Variants in WWC2 observed in about 807,000 individuals in gnomAD.
WWC2 encodes WW and C2 domain containing 2.
A neutral mutation model predicts 138.5 loss-of-function variants in WWC2; 101 were observed. The ratio of observed to expected loss-of-function variants is 0.73; its 90% CI spans 0.62 to 0.86. The LOEUF is 0.86. WWC2 is among the 40% of genes least tolerant of loss of function. WWC2 has a pLI of 0.00. For synonymous variants in WWC2, 558 were observed against 538.4 expected (o/e 1.04, Z -0.50); for missense variants, 1,420 against 1,419.4 (o/e 1.00, Z -0.01).
chr4:183,297,752 A>T (rs571065794), intron 21 of WWC2, among the ~76,000 whole-genome samples: 23 of 152,340 alleles, frequency 1.5e-4, no homozygotes, highest in African/African-American at 5.3e-4. Context: ...AAGAGGGTGC[A>T]GCCCAGGGGA....
At chr4:183,145,111 A>G (rs72697304) in intron 1 of WWC2, among the ~76,000 whole-genome samples, 4,744 of 152,296 alleles carry the variant, frequency 0.031, 94 homozygotes, top group Non-Finnish European at 0.037. Context: ...AGCATGGCCT[A>G]TGGTTGAGGC....
At chr4:183,306,302 A>G (rs1334606381) in intron 21 of WWC2, among the ~76,000 whole-genome samples, 2 of 152,248 alleles carry the variant, frequency 1.3e-5, no homozygotes, top group Non-Finnish European at 2.9e-5. Flanking sequence ...CACTGTAAAC[A>G]TCAGTGGTCT....
At chr4:183,172,556 G>GTTTTTTTTTTTTTTTTTTTTTT (rs61599876) in intron 1 of WWC2, among the ~76,000 whole-genome samples, 3 of 113,048 alleles carry the variant, frequency 2.7e-5, no homozygotes, top group Middle Eastern at 5.5e-3. Flanking sequence ...TATGTTTCTT[G>GTTTTTTTTTTTTTTTTTTTTTT]TTTTTTTTTT....
At chr4:183,147,677 C>T (rs1199903975) in intron 1 of WWC2, among the ~76,000 whole-genome samples, 1 of 152,134 alleles carries the variant, frequency 6.6e-6, no homozygotes, top group Admixed American at 6.5e-5. Flanking sequence ...TGTTACAGAA[C>T]TTTCTGGCCT....
In WWC2 at chr4:183,108,817, G is replaced by A. The variant is rs928192799; in HGVS notation, c.131+9195G>A. ...GTAGAGATAGGGTTTCACCATGTTG[G>A]CCAGGCTAGTCTTGAACTCCTGACC... On this transcript the variant is annotated intron_variant, in intron 1 of 22. Coordinates refer to ENST00000403733, the MANE Select transcript of WWC2 (RefSeq NM_024949.6). Among the ~76,000 whole-genome samples, 27 of 152,166 alleles carry A rather than the reference G, an allele frequency of 1.8e-4. No individual in the cohort carries two copies. In the East Asian group the frequency reaches 4.1e-3, roughly 23 times the overall value.
At chr4:183,306,514 A>T (rs578142078) in intron 21 of WWC2, among the ~76,000 whole-genome samples, 48 of 151,614 alleles carry the variant, frequency 3.2e-4, no homozygotes, top group African/African-American at 8.2e-4. Context: ...TCCAGGATTT[A>T]AAAAAAAAGT....
At chr4:183,231,414 C>T (rs1021150858) in intron 4 of WWC2, among the ~76,000 whole-genome samples, 5 of 150,784 alleles carry the variant, frequency 3.3e-5, no homozygotes, top group Non-Finnish European at 5.9e-5. Context: ...GGATTACAGG[C>T]GGGTACCACC....
chr4:183,263,718 C>T (rs963646864), intron 11 of WWC2, among the ~76,000 whole-genome samples: 2 of 152,120 alleles, frequency 1.3e-5, no homozygotes, highest in Admixed American at 6.5e-5. Flanking sequence ...TGAGATTGCA[C>T]CACTGCACTC....
At chr4:183,182,616 C>T (rs75270113) in intron 1 of WWC2, among the ~76,000 whole-genome samples, 1 of 151,614 alleles carries the variant, frequency 6.6e-6, no homozygotes, top group East Asian at 1.9e-4. Flanking sequence ...ACTTTAAAAA[C>T]CTGCTGAATT....
intron 1 of WWC2, among the ~76,000 whole-genome samples, chr4:183,172,857 G>A (rs2111166632): frequency 6.6e-6 from 1 of 152,084 alleles, no homozygotes; most frequent in Middle Eastern, 3.4e-3. Flanking sequence ...AGACCTCCTA[G>A]ATTGGTTGTT....
intron 1 of WWC2, among the ~76,000 whole-genome samples, chr4:183,100,237 C>T (rs1301943922): frequency 6.6e-6 from 1 of 152,238 alleles, no homozygotes; most frequent in Non-Finnish European, 1.5e-5. Flanking sequence ...TTAGTCTTCA[C>T]CTGAAAACTT....
At chr4:183,248,973 G>A in intron 7 of WWC2, 113 bp downstream of exon 7, 1 of 1,065,546 alleles carries the variant, frequency 9.4e-7, no homozygotes. Flanking sequence ...CTGGCTGTGT[G>A]CATTCAGTGT....
intron 4 of WWC2, among the ~76,000 whole-genome samples, chr4:183,230,267 AAAACTT>A (rs1736203331): frequency 6.6e-6 from 1 of 152,124 alleles, no homozygotes; most frequent in Non-Finnish European, 1.5e-5. Context: ...ATGTTGGAGA[AAAACTT>A]AAAGCTTTAA....
rs45470696 is a variant in WWC2, at chr4:183,284,277, C to G, written c.2935C>G (p.Arg979Gly). ...DEAANDNMAV[R>G]PKERSSLSSR... ...AGCCGCTAATGACAATATGGCAGTT[C>G]GCCCCAAAGAGCGCAGCAGCCTGAG... Residue 979 changes from arginine to glycine, a missense_variant, in exon 19 of 23, where the codon CGC becomes GGC. Physicochemically the swap from Arg to Gly is moderately radical, Grantham distance 125. Transcript: ENST00000403733. 1 of 1,613,950 alleles carries G rather than the reference C, an allele frequency of 6.2e-7. No homozygotes were observed. Among genetic ancestry groups the G allele is most frequent in the Admixed American group, 1.7e-5 (1 of 60,030 alleles).
chr4:183,121,932 C>T, intron 1 of WWC2, among the ~76,000 whole-genome samples: 1 of 151,862 alleles, frequency 6.6e-6, no homozygotes. Flanking sequence ...ACTATAGGCA[C>T]CTGCCACCAC....
chr4:183,263,212 T>C (rs1181531203), intron 11 of WWC2, among the ~76,000 whole-genome samples: 1 of 152,240 alleles, frequency 6.6e-6, no homozygotes, highest in African/African-American at 2.4e-5. Context: ...TTGCTCTTCC[T>C]GTATTTGGAG....
chr4:183,128,961 T>C (rs1287880537), intron 1 of WWC2, among the ~76,000 whole-genome samples: 1 of 152,230 alleles, frequency 6.6e-6, no homozygotes, highest in African/African-American at 2.4e-5. Context: ...TGATTTATTA[T>C]ATAAGTACTG....
At chr4:183,181,547 A>T (rs1734633575) in intron 1 of WWC2, among the ~76,000 whole-genome samples, 3 of 152,126 alleles carry the variant, frequency 2.0e-5, no homozygotes, top group Admixed American at 2.0e-4. Context: ...CTGTAAATGT[A>T]TTTCTTTTTC....
intron 16 of WWC2, among the ~76,000 whole-genome samples, chr4:183,271,725 C>T (rs376102903): frequency 2.0e-5 from 3 of 152,082 alleles, no homozygotes; most frequent in African/African-American, 7.2e-5. Flanking sequence ...TTGTGAAGGC[C>T]AGGCGTGGTG....
Sources: allele counts gnomAD v4.1 joint callset (sites outside exome capture counted in the v4.1 genomes callset), GRCh38; gene constraint gnomAD v4.1.1; transcripts MANE v1.5; gene names NCBI Gene and HGNC (gene_info 2026-07-23, HGNC 2026-07-21).